Variants in THOC2 observed in about 807,000 individuals in gnomAD.
The protein encoded by THOC2 is THO complex subunit 2, also known as THO complex 2.
In THOC2, 10 loss-of-function variants were observed where a neutral mutation model predicts 128.4. The observed-to-expected ratio is 0.08, with a 90% confidence interval of 0.05 to 0.13. The LOEUF (loss-of-function observed/expected upper bound fraction) is 0.13. Among genes scored for constraint, THOC2 ranks in the 10% least tolerant of loss-of-function variants. The pLI is 1.00. For synonymous variants in THOC2, 393 were observed against 396.9 expected (o/e 0.99, Z 0.12); for missense variants, 535 against 1,155.7 (o/e 0.46, Z 7.79).
intron 38 of THOC2, among the ~76,000 whole-genome samples, chrX:123,607,387 T>C (rs1163643252): frequency 1.8e-5 from 2 of 111,472 alleles, no homozygotes; most frequent in African/African-American, 3.3e-5. Flanking sequence ...GAAATCCTCC[T>C]GCCTCAGACT....
intron 11 of THOC2, among the ~76,000 whole-genome samples, chrX:123,666,266 G>T (rs964144164): frequency 8.9e-6 from 1 of 112,289 alleles, no homozygotes; most frequent in Non-Finnish European, 1.9e-5. Context: ...TAACAACACT[G>T]ATTCAAGTCA....
intron 38 of THOC2, among the ~76,000 whole-genome samples, chrX:123,609,116 C>T (rs1159266812): frequency 1.8e-5 from 2 of 111,727 alleles, no homozygotes; most frequent in Admixed American, 1.9e-4. Flanking sequence ...TGGCTCATTC[C>T]TCATGAAGAT....
rs2047486596 is a variant in THOC2 at position 123,631,572 on chromosome X, C to A, written c.2481+116G>T. On this transcript the variant is annotated intron_variant, in intron 22 of 38. Transcript: ENST00000245838. ...CCCCTATTGGAAACAAAGAAGGGAT[C>A]CTAGTTTAGGGCCAAGACCTTCCCC... 5.2e-6 allele frequency: 4 copies of A among 772,504 alleles called. No homozygotes were observed. The Admixed American group carries it at 1.3e-4, about 24-fold the overall frequency. The allele number at this position is 772,504 out of a possible 1,213,427, so 63.7% of individuals were successfully genotyped here. A position where few individuals can be genotyped will look rare whatever the true frequency, so the allele number is the denominator to read the frequency against.
chrX:123,685,787 A>G (rs766539641), intron 8 of THOC2, among the ~76,000 whole-genome samples: 24 of 111,947 alleles, frequency 2.1e-4, no homozygotes, highest in African/African-American at 7.4e-4. Context: ...AGAAATAATC[A>G]GAGACACAGA....
intron 12 of THOC2, among the ~76,000 whole-genome samples, chrX:123,645,848 G>C (rs2048105955): frequency 9.0e-6 from 1 of 111,142 alleles, no homozygotes; most frequent in Non-Finnish European, 1.9e-5. Flanking sequence ...TGTAGTCCCA[G>C]CTACTCAGGA....
chrX:123,670,903 G>A (rs1413871477), intron 9 of THOC2, among the ~76,000 whole-genome samples: 1 of 111,954 alleles, frequency 8.9e-6, no homozygotes, highest in African/African-American at 3.2e-5. Flanking sequence ...CAACTCTGTA[G>A]CCACAGTATA....
At chrX:123,698,362 G>A (rs137981258) in intron 4 of THOC2, among the ~76,000 whole-genome samples, 3,659 of 108,886 alleles carry the variant, frequency 0.034, 107 homozygotes, top group African/African-American at 0.089. Flanking sequence ...GGAGACTGAG[G>A]CAGGAGAATC....
At chrX:123,617,933 T>C (rs1206333205) in intron 33 of THOC2, among the ~76,000 whole-genome samples, 1 of 111,878 alleles carries the variant, frequency 8.9e-6, no homozygotes, top group African/African-American at 3.2e-5. Context: ...AAGTTTACAT[T>C]AAATGAAAGT....
chrX:123,608,583 G>C (rs769783644), intron 38 of THOC2, among the ~76,000 whole-genome samples: 8 of 110,516 alleles, frequency 7.2e-5, no homozygotes, highest in Non-Finnish European at 1.1e-4. Context: ...AATTAGCCAG[G>C]TATGGTGGTG....
chrX:123,722,654 G>C (rs965312798), intron 1 of THOC2, among the ~76,000 whole-genome samples: 2 of 110,134 alleles, frequency 1.8e-5, no homozygotes, highest in Non-Finnish European at 3.8e-5. Flanking sequence ...GTTGATAGGT[G>C]CAGCAAACCA....
At chrX:123,603,614 T>C (rs1198095750) in intron 38 of THOC2, 3 of 615,840 alleles carry the variant, frequency 4.9e-6, no homozygotes, top group Non-Finnish European at 2.7e-6. Flanking sequence ...ACTCATCTTC[T>C]GACTTAAAGC....
intron 3 of THOC2, among the ~76,000 whole-genome samples, chrX:123,703,915 T>G (rs868843008): frequency 2.1e-5 from 1 of 46,820 alleles, no homozygotes; most frequent in African/African-American, 1.0e-4. Flanking sequence ...AAAAAAAAAT[T>G]GATTTCCAGG....
intron 7 of THOC2, among the ~76,000 whole-genome samples, chrX:123,691,857 T>C (rs1468887171): frequency 8.9e-6 from 1 of 112,623 alleles, no homozygotes; most frequent in Non-Finnish European, 1.9e-5. Context: ...AACTATGGCT[T>C]GTGGGTTAAA....
At chrX:123,712,979 T>C (rs1267986031) in intron 1 of THOC2, 71 bp from the exon 2 acceptor site, 2 of 737,950 alleles carry the variant, frequency 2.7e-6, no homozygotes, top group Non-Finnish European at 3.9e-6. Flanking sequence ...AAGCAAATTA[T>C]ATCAACTGGC....
intron 8 of THOC2, among the ~76,000 whole-genome samples, chrX:123,674,708 T>C (rs1407642491): frequency 8.9e-6 from 1 of 111,739 alleles, no homozygotes; most frequent in African/African-American, 3.3e-5. Context: ...CTGTTTAGTT[T>C]TTAATTATTT....
At chrX:123,623,514 C>A in intron 28 of THOC2, 3 of 496,942 alleles carry the variant, frequency 6.0e-6, no homozygotes, top group Non-Finnish European at 9.2e-6. Flanking sequence ...TTTTTTTTTA[C>A]TCTTGAAGAT....
chrX:123,638,769 TACACACACACACACACACAC>T (rs745502483), intron 17 of THOC2, among the ~76,000 whole-genome samples, 145 bp downstream of exon 17: 1 of 93,581 alleles, frequency 1.1e-5, no homozygotes, highest in Admixed American at 1.2e-4. Context: ...CTCTCTCACA[TACACACACACACACACACAC>T]ACACACAATT....
intron 33 of THOC2, among the ~76,000 whole-genome samples, chrX:123,615,118 T>G (rs2046842376): frequency 9.0e-6 from 1 of 111,679 alleles, no homozygotes; most frequent in Non-Finnish European, 1.9e-5. Flanking sequence ...CTATGTTTAA[T>G]TTAAGACATT....
intron 1 of THOC2, among the ~76,000 whole-genome samples, chrX:123,723,008 GTC>G (rs1199061387): frequency 1.8e-5 from 2 of 110,897 alleles, no homozygotes; most frequent in Non-Finnish European, 3.8e-5. Flanking sequence ...GTGAAACCCT[GTC>G]TCTACTAAAA....
Sources: gnomAD v4.1 joint callset for allele counts (sites outside exome capture counted in the v4.1 genomes callset) on GRCh38, gnomAD v4.1.1 for gene constraint, MANE v1.5 for transcripts, NCBI Gene and HGNC (gene_info 2026-07-23, HGNC 2026-07-21) for gene names.